Variants in PCDHA4 observed in about 807,000 individuals in gnomAD.
PCDHA4 encodes the protein protocadherin alpha 4.
In PCDHA4, 49 loss-of-function variants were observed where a neutral mutation model predicts 61.4. The observed-to-expected ratio is 0.80, with a 90% confidence interval of 0.63 to 1.01. The LOEUF is 1.01. PCDHA4 is among the 50% of genes least tolerant of loss of function. The pLI, the probability that PCDHA4 is intolerant of heterozygous loss-of-function variation, is 0.00. For synonymous variants in PCDHA4, 590 were observed against 550.3 expected, an observed-to-expected ratio of 1.07 and a Z score of -1.01; for missense variants, 1,254 against 1,235.8, an observed-to-expected ratio of 1.01 and a Z score of -0.22.
At chr5:140,886,364 C>T (rs2060956289) in intron 1 of PCDHA4, among the ~76,000 whole-genome samples, 1 of 152,082 alleles carries the variant, frequency 6.6e-6, no homozygotes. Context: ...CATAGGTGTA[C>T]ATGCCATGGT....
intron 1 of PCDHA4, chr5:140,860,091 C>A (rs1199656209): frequency 4.0e-5 from 6 of 150,914 alleles, no homozygotes; most frequent in African/African-American, 1.5e-4. Context: ...GAGTTCAAGA[C>A]CAACCTGGGC....
chr5:140,968,307 A>G (rs1554230602), intron 1 of PCDHA4: 1 of 1,613,964 alleles, frequency 6.2e-7, no homozygotes, highest in South Asian at 1.1e-5. Context: ...AGGGAGATTC[A>G]AGGGCTGCCA....
At chr5:140,831,018 G>C (rs1251776319) in intron 1 of PCDHA4, 1 of 152,212 alleles carries the variant, frequency 6.6e-6, no homozygotes, top group Non-Finnish European at 1.5e-5. Flanking sequence ...TCCCTTTTCA[G>C]ACTTGTGATT....
chr5:140,857,508 C>T, intron 1 of PCDHA4: 3 of 1,598,226 alleles, frequency 1.9e-6, no homozygotes, highest in Non-Finnish European at 2.6e-6. Context: ...CAGGAGAACG[C>T]CCTGGTGTCC....
At chr5:140,984,824 C>A (rs920985683) in intron 3 of PCDHA4, among the ~76,000 whole-genome samples, 1 of 152,098 alleles carries the variant, frequency 6.6e-6, no homozygotes, top group Non-Finnish European at 1.5e-5. Context: ...TCTTAATTAC[C>A]CTTTCTGTAA....
intron 1 of PCDHA4, among the ~76,000 whole-genome samples, chr5:140,926,099 T>C (rs1364046229): frequency 6.6e-6 from 1 of 152,162 alleles, no homozygotes; most frequent in Non-Finnish European, 1.5e-5. Context: ...GCTCCTGGGA[T>C]ACAAGAGGGT....
chr5:140,884,837 C>A, intron 1 of PCDHA4: 4 of 902,438 alleles, frequency 4.4e-6, no homozygotes, highest in Non-Finnish European at 6.3e-6. Flanking sequence ...GATTATCCTT[C>A]AGAGTGAAAT....
intron 3 of PCDHA4, among the ~76,000 whole-genome samples, chr5:140,987,465 T>C (rs1554249222): frequency 6.6e-6 from 1 of 152,130 alleles, no homozygotes; most frequent in Non-Finnish European, 1.5e-5. Flanking sequence ...TGTTAAGAGC[T>C]CAAGCTTGGG....
chr5:140,925,166 A>G (rs2082364629), intron 1 of PCDHA4, among the ~76,000 whole-genome samples: 1 of 152,126 alleles, frequency 6.6e-6, no homozygotes, highest in Admixed American at 6.5e-5. Context: ...GAATTGTGTA[A>G]TTGACCCCAA....
At chr5:140,937,824 A>G (rs1229119616) in intron 1 of PCDHA4, among the ~76,000 whole-genome samples, 1 of 151,696 alleles carries the variant, frequency 6.6e-6, no homozygotes, top group African/African-American at 2.4e-5. Context: ...AGGCAGGAGA[A>G]TGGCATGAAC....
chr5:140,868,942 C>T (rs1238492263), intron 1 of PCDHA4: 6 of 1,256,058 alleles, frequency 4.8e-6, no homozygotes, highest in African/African-American at 1.5e-5. Context: ...TTGGTCTGAA[C>T]AGTGAGGCAC....
intron 1 of PCDHA4, among the ~76,000 whole-genome samples, chr5:140,844,278 G>A (rs1324463534): frequency 6.7e-6 from 1 of 149,048 alleles, no homozygotes; most frequent in Non-Finnish European, 1.5e-5. Context: ...CAGAATGATA[G>A]TGTTTTTCAA....
intron 1 of PCDHA4, among the ~76,000 whole-genome samples, chr5:140,891,271 G>A (rs782182381): frequency 7.9e-5 from 12 of 151,678 alleles, no homozygotes; most frequent in South Asian, 4.2e-4. Flanking sequence ...TAATTTTTCC[G>A]TAAGTTATTG....
intron 3 of PCDHA4, among the ~76,000 whole-genome samples, chr5:140,998,586 CAG>C (rs1340236276): frequency 1.4e-5 from 2 of 147,292 alleles, no homozygotes; most frequent in African/African-American, 5.1e-5. Context: ...TTTTTTGAGA[CAG>C]AGTTTTGCTC....
chr5:140,987,008 G>T (rs958548514), intron 3 of PCDHA4, among the ~76,000 whole-genome samples: 1 of 152,142 alleles, frequency 6.6e-6, no homozygotes, highest in Non-Finnish European at 1.5e-5. Context: ...GAGGTCATGA[G>T]TTCGAGACCA....
chr5:140,843,317 C>G (rs2150357275), intron 1 of PCDHA4: 11 of 1,595,910 alleles, frequency 6.9e-6, no homozygotes, highest in African/African-American at 1.3e-5. Context: ...GGCCACGGTT[C>G]TGGTGTCGCT....
chr5:140,841,447 C>A, intron 1 of PCDHA4: 1 of 1,612,948 alleles, frequency 6.2e-7, no homozygotes, highest in Non-Finnish European at 8.5e-7. Context: ...CCAAACACGG[C>A]ACCTTCGTGG....
intron 1 of PCDHA4, among the ~76,000 whole-genome samples, chr5:140,954,250 T>C (rs1018325931): frequency 6.6e-6 from 1 of 152,252 alleles, no homozygotes; most frequent in Non-Finnish European, 1.5e-5. Context: ...AACATACACA[T>C]GCAGGTATCT....
chr5:140,851,463 G>C (rs1194351869), intron 1 of PCDHA4: 1 of 894,166 alleles, frequency 1.1e-6, no homozygotes, highest in Non-Finnish European at 1.4e-6. Flanking sequence ...ATCAAATTAT[G>C]TCAATAAATG....
Sources: allele counts gnomAD v4.1 joint callset (sites outside exome capture counted in the v4.1 genomes callset), GRCh38; gene constraint gnomAD v4.1.1; transcripts MANE v1.5; gene names NCBI Gene and HGNC (gene_info 2026-07-23, HGNC 2026-07-21).